TBCD: variants seen among roughly 807,000 people sequenced by gnomAD.
TBCD encodes tubulin folding cofactor D.
TBCD carries 105 observed loss-of-function variants against 169.3 expected under a neutral mutation model. The ratio of observed to expected loss-of-function variants is 0.62; its 90% CI spans 0.53 to 0.73. The LOEUF is 0.73. TBCD is among the 30% of genes least tolerant of loss of function. The probability of loss-of-function intolerance (pLI) is 0.00; values close to 1 mark genes in which losing one functional copy is unlikely to be tolerated. For synonymous variants in TBCD, 700 were observed against 643.9 expected (o/e 1.09, Z -1.32); for missense variants, 1,444 against 1,600.1 (o/e 0.90, Z 1.66).
In TBCD at chr17:82,889,154, G is replaced by C. The variant is rs2058955561; in HGVS notation, c.1534-514G>C. Among the ~76,000 whole-genome samples the C allele has an allele frequency of 6.6e-6, 1 of 152,228 alleles. No individual in the cohort carries two copies. Among genetic ancestry groups the C allele is most frequent in the African/African-American group, 2.4e-5 (1 of 41,456 alleles). On this transcript the variant is annotated intron_variant, in intron 15 of 38. Transcript: ENST00000355528. This position sits in a 1 kb window ranked among gnomAD's most constrained non-coding sequence, Gnocchi z 5.3. Reference sequence around the variant, plus strand: ...CCTCCTGGAAGCACTTCATCCTGTTGAAGTTCACATTTTGACCTTTTCAGC... The same window carrying C: ...CCTCCTGGAAGCACTTCATCCTGTTCAAGTTCACATTTTGACCTTTTCAGC...
intron 34 of TBCD, 96 bp downstream of exon 34, chr17:82,932,831 G>A: frequency 3.1e-6 from 4 of 1,274,760 alleles, no homozygotes; most frequent in Non-Finnish European, 3.3e-6. Flanking sequence ...AGAATTCCAG[G>A]AAATGATCTT....
intron 9 of TBCD, among the ~76,000 whole-genome samples, chr17:82,803,648 C>T (rs898778537): frequency 1.3e-5 from 2 of 152,216 alleles, no homozygotes; most frequent in East Asian, 1.9e-4. Context: ...AGCTTCCCCT[C>T]GCTGGGGATT....
intron 17 of TBCD, among the ~76,000 whole-genome samples, chr17:82,896,920 T>G (rs887557574): frequency 1.3e-5 from 2 of 151,854 alleles, no homozygotes; most frequent in South Asian, 4.2e-4. Flanking sequence ...TCCGTGCTGG[T>G]GCTGGGGTGT....
chr17:82,752,461 G>A, intron 1 of TBCD, 84 bp downstream of exon 1: 1 of 1,073,112 alleles, frequency 9.3e-7, no homozygotes, highest in Non-Finnish European at 1.1e-6. Context: ...GGGGACCGCA[G>A]CCCGGCGGCG....
intron 34 of TBCD, among the ~76,000 whole-genome samples, chr17:82,934,864 C>T (rs1188638141): frequency 6.6e-6 from 1 of 152,072 alleles, no homozygotes; most frequent in Non-Finnish European, 1.5e-5. Flanking sequence ...TTTGGGAGGC[C>T]AAGGCGAGTG....
intron 13 of TBCD, among the ~76,000 whole-genome samples, chr17:82,839,303 C>T (rs1235963248): frequency 6.6e-6 from 1 of 152,104 alleles, no homozygotes; most frequent in African/African-American, 2.4e-5. Context: ...GTACTTATAC[C>T]ACACATATAT....
At chr17:82,916,445 A>C (rs561104641) in intron 23 of TBCD, among the ~76,000 whole-genome samples, 84 of 150,390 alleles carry the variant, frequency 5.6e-4, no homozygotes, top group African/African-American at 1.8e-3. Flanking sequence ...GGGTTCCACC[A>C]TGTGGGCCAG....
At chr17:82,940,904 G>A (rs1042506209) in intron 37 of TBCD, among the ~76,000 whole-genome samples, 1 of 152,316 alleles carries the variant, frequency 6.6e-6, no homozygotes, top group East Asian at 1.9e-4. Flanking sequence ...CAGGGAGGGA[G>A]GAACTAGCAG....
chr17:82,820,572 C>T (rs1050810593), intron 13 of TBCD, among the ~76,000 whole-genome samples: 5 of 151,840 alleles, frequency 3.3e-5, no homozygotes, highest in Admixed American at 6.6e-5. Flanking sequence ...CCTCTCCTCT[C>T]CTTGTGGGAC....
chr17:82,824,213 GCT>G (rs2052642341), intron 13 of TBCD, among the ~76,000 whole-genome samples: 1 of 150,906 alleles, frequency 6.6e-6, no homozygotes, highest in Non-Finnish European at 1.5e-5. Flanking sequence ...ACAGAGTCTT[GCT>G]CTATCACCCA....
chr17:82,814,576 C>T (rs373961305), intron 12 of TBCD, among the ~76,000 whole-genome samples: 16 of 152,296 alleles, frequency 1.1e-4, no homozygotes, highest in African/African-American at 3.1e-4. Context: ...AGTGCAGTGG[C>T]GCGATCTCAG....
Position 82,812,275 on chromosome 17 carries a change from G to A in TBCD, c.1223+2493G>A, listed in dbSNP as rs771739851. ...CCCGAGGGCATCTTCTGAGACACTC[G>A]GTGTGGAGCGTCTGGAAGCCACGGC... On this transcript the variant is annotated intron_variant, in intron 12 of 38. Transcript: ENST00000355528. Among the ~76,000 whole-genome samples the A allele has an allele frequency of 8.7e-4, 133 of 152,160 alleles. 1 individual carries two copies. The highest frequency in any genetic ancestry group is 1.8e-4 in the Non-Finnish European group (12 of 68,024).
intron 14 of TBCD, among the ~76,000 whole-genome samples, chr17:82,875,832 T>G (rs2057931040): frequency 6.6e-6 from 1 of 152,220 alleles, no homozygotes; most frequent in Non-Finnish European, 1.5e-5. Flanking sequence ...CGGCAAATCC[T>G]GCCTCCACGT....
rs533962126 is a variant in TBCD at position 82,824,970 on chromosome 17, G to A, written c.1318+10036G>A. ...TTTTTCTTTTTGCTATAAAGCTCTA[G>A]GAATCGATTTTGCTTTTAGAGATAG... On this transcript the variant is annotated intron_variant, in intron 13 of 38. Transcript: ENST00000355528. Among the ~76,000 whole-genome samples the A allele has an allele frequency of 2.0e-3, 304 of 151,894 alleles. 2 individuals carry two copies. The highest frequency in any genetic ancestry group is 7.0e-3 in the African/African-American group (291 of 41,318).
chr17:82,923,988 T>G lies in TBCD; in HGVS notation c.2260+255T>G, dbSNP rs185014648. 3.8e-4 allele frequency among the ~76,000 whole-genome samples: 58 copies of G among 152,240 alleles called. 1 individual carries two copies. The East Asian group carries it at 0.011, about 28-fold the overall frequency. ...GTCTCTGTTGACGGCACCCTCTTGC[T>G]CCATCACCCAGGCTGGAGTGGTGTG... On this transcript the variant is annotated intron_variant, in intron 26 of 38. Transcript: ENST00000355528. The surrounding 1 kb of genome is among the most constrained non-coding windows in gnomAD (Gnocchi z 4.6).
intron 11 of TBCD, among the ~76,000 whole-genome samples, chr17:82,809,424 C>T (rs1169927449): frequency 6.6e-6 from 1 of 152,158 alleles, no homozygotes; most frequent in Non-Finnish European, 1.5e-5. Context: ...GTACCCTCAG[C>T]CGTCACTGGT....
intron 19 of TBCD, among the ~76,000 whole-genome samples, chr17:82,904,634 A>G (rs1303117557): frequency 6.6e-6 from 1 of 152,080 alleles, no homozygotes; most frequent in Non-Finnish European, 1.5e-5. Flanking sequence ...ACATTTCTCA[A>G]TGTGTGTACC....
intron 13 of TBCD, chr17:82,838,582 C>G (rs1001054555): frequency 8.9e-6 from 8 of 901,436 alleles, no homozygotes; most frequent in Non-Finnish European, 1.1e-5. Flanking sequence ...AAGGACACAC[C>G]ATTGTCGCCT....
intron 9 of TBCD, among the ~76,000 whole-genome samples, chr17:82,801,660 TGTGGGTCGG>T (rs2050552509): frequency 1.1e-5 from 1 of 89,794 alleles, no homozygotes; most frequent in Admixed American, 1.2e-4. Context: ...GTGTGCGTTG[TGTGGGTCGG>T]AGTCAGCGTG....
Sources: gnomAD v4.1 joint callset for allele counts (sites outside exome capture counted in the v4.1 genomes callset) on GRCh38, gnomAD v4.1.1 for gene constraint, Gnocchi (gnomAD v3.1) non-coding constraint, MANE v1.5 for transcripts, NCBI Gene and HGNC (gene_info 2026-07-23, HGNC 2026-07-21) for gene names.